SLC9A9: variants seen among roughly 807,000 people sequenced by gnomAD.
SLC9A9 encodes solute carrier family 9 member A9.
In SLC9A9, 62 loss-of-function variants were observed where a neutral mutation model predicts 77.8. The ratio of observed to expected loss-of-function variants is 0.80; its 90% CI spans 0.65 to 0.98. The LOEUF is 0.98. Ranked by LOEUF, SLC9A9 falls within the 50% of genes least tolerant of loss-of-function variation. SLC9A9 has a pLI of 0.00. For synonymous variants in SLC9A9, 320 were observed against 283.5 expected (o/e 1.13, Z -1.29); for missense variants, 775 against 774.9 (o/e 1.00, Z 0.00).
chr3:143,572,296 G>GGTGT (rs71629562), intron 8 of SLC9A9, among the ~76,000 whole-genome samples: 2,320 of 148,764 alleles, frequency 0.016, 46 homozygotes, highest in African/African-American at 0.049. Context: ...CTTAGGCAAT[G>GGTGT]GTGTGTGTGT....
At chr3:143,713,388 C>G (rs886309630) in intron 4 of SLC9A9, among the ~76,000 whole-genome samples, 2 of 152,160 alleles carry the variant, frequency 1.3e-5, no homozygotes, top group Non-Finnish European at 2.9e-5. Flanking sequence ...GCTGTGTTTG[C>G]TGGCTGGGAG....
intron 14 of SLC9A9, among the ~76,000 whole-genome samples, chr3:143,317,351 A>G (rs2031250447): frequency 6.6e-6 from 1 of 152,112 alleles, no homozygotes; most frequent in African/African-American, 2.4e-5. Flanking sequence ...CAACAGGGCA[A>G]CAGCCCTCCC....
intron 12 of SLC9A9, among the ~76,000 whole-genome samples, chr3:143,439,641 C>T (rs927007012): frequency 1.2e-4 from 18 of 152,194 alleles, no homozygotes; most frequent in Admixed American, 9.8e-4. Flanking sequence ...TATGACTTAT[C>T]CCTTTAGTTA....
At chr3:143,323,207 C>A (rs1170221156) in intron 14 of SLC9A9, among the ~76,000 whole-genome samples, 2 of 152,182 alleles carry the variant, frequency 1.3e-5, no homozygotes, top group Non-Finnish European at 2.9e-5. Flanking sequence ...ACCATTGGAT[C>A]CAGCAATCCC....
chr3:143,494,386 G>A (rs1383341208), intron 10 of SLC9A9, among the ~76,000 whole-genome samples: 5 of 152,258 alleles, frequency 3.3e-5, no homozygotes, highest in African/African-American at 7.2e-5. Flanking sequence ...CTCCTTCCCC[G>A]ATGGGCTATT....
intron 5 of SLC9A9, among the ~76,000 whole-genome samples, chr3:143,668,712 T>C (rs2039111940): frequency 6.6e-6 from 1 of 152,188 alleles, no homozygotes; most frequent in Admixed American, 6.5e-5. Flanking sequence ...AGTGAATGAA[T>C]CTCTGAAGGT....
At chr3:143,497,005 A>C (rs556055529) in intron 9 of SLC9A9, among the ~76,000 whole-genome samples, 1 of 152,260 alleles carries the variant, frequency 6.6e-6, no homozygotes, top group South Asian at 2.1e-4. Flanking sequence ...GTTTCTTCTT[A>C]TAAGGGCACT....
intron 4 of SLC9A9, among the ~76,000 whole-genome samples, chr3:143,724,005 A>G (rs1358333961): frequency 2.6e-5 from 4 of 152,212 alleles, no homozygotes; most frequent in African/African-American, 4.8e-5. Context: ...TAATAGCTCC[A>G]TTATTTAGTT....
intron 6 of SLC9A9, among the ~76,000 whole-genome samples, chr3:143,594,014 A>G (rs2037708071): frequency 6.6e-6 from 1 of 152,166 alleles, no homozygotes; most frequent in Non-Finnish European, 1.5e-5. Context: ...GTTGGTGGCA[A>G]TGGAGGGGAA....
chr3:143,343,544 G>A (rs1016579682), intron 14 of SLC9A9: 1 of 152,170 alleles, frequency 6.6e-6, no homozygotes, highest in Non-Finnish European at 1.5e-5. Context: ...AGAGAAAACT[G>A]CAGGAGTCCC....
intron 5 of SLC9A9, among the ~76,000 whole-genome samples, chr3:143,669,854 G>A (rs887663608): frequency 2.6e-5 from 4 of 152,084 alleles, no homozygotes; most frequent in Non-Finnish European, 5.9e-5. Flanking sequence ...TAATTAATTG[G>A]AGTTATTTAT....
At chr3:143,703,122 C>G (rs553604426) in intron 4 of SLC9A9, among the ~76,000 whole-genome samples, 1 of 152,094 alleles carries the variant, frequency 6.6e-6, no homozygotes, top group African/African-American at 2.4e-5. Flanking sequence ...ACAATAATAG[C>G]TGGAGACTTC....
At chr3:143,306,926 C>T (rs538511613) in intron 14 of SLC9A9, among the ~76,000 whole-genome samples, 1 of 152,298 alleles carries the variant, frequency 6.6e-6, no homozygotes, top group East Asian at 1.9e-4. Flanking sequence ...TGTACACATG[C>T]TATTTCCTTA....
At chr3:143,742,119 C>T (rs922413510) in intron 4 of SLC9A9, among the ~76,000 whole-genome samples, 3 of 152,072 alleles carry the variant, frequency 2.0e-5, no homozygotes, top group Admixed American at 6.6e-5. Flanking sequence ...AGACCCTGCA[C>T]TTGATGGATC....
chr3:143,645,375 T>G (rs2038687839), intron 6 of SLC9A9, among the ~76,000 whole-genome samples: 1 of 152,234 alleles, frequency 6.6e-6, no homozygotes, highest in Admixed American at 6.5e-5. Flanking sequence ...AGGGTGAGGT[T>G]TTGTTACGCA....
At chr3:143,582,086 T>C (rs1209808339) in intron 6 of SLC9A9, among the ~76,000 whole-genome samples, 1 of 152,318 alleles carries the variant, frequency 6.6e-6, no homozygotes, top group East Asian at 1.9e-4. Flanking sequence ...TCGTTATCTC[T>C]TGAAGCAAAT....
Position 143,592,069 on chromosome 3 carries a change from T to C in SLC9A9, c.756-13346A>G, listed in dbSNP as rs559283957. Among the ~76,000 whole-genome samples the C allele has an allele frequency of 2.0e-5, 3 of 152,356 alleles. No individual in the cohort carries two copies. The South Asian group carries it at 6.2e-4, about 32-fold the overall frequency. ...CTTAAAACTTTCATCACCTTCTCTATGTGGTCCATGACCCCCCAAAAGGTT... is the reference window on the plus strand; with the variant it reads ...CTTAAAACTTTCATCACCTTCTCTACGTGGTCCATGACCCCCCAAAAGGTT... On this transcript the variant is annotated intron_variant, in intron 6 of 15. Coordinates refer to ENST00000316549, the MANE Select transcript of SLC9A9 (RefSeq NM_173653.4).
intron 6 of SLC9A9, among the ~76,000 whole-genome samples, chr3:143,628,806 A>G (rs952240829): frequency 1.3e-5 from 2 of 152,196 alleles, no homozygotes; most frequent in African/African-American, 4.8e-5. Context: ...CATTTTATAG[A>G]TGCTGTGAAT....
At chr3:143,584,152 T>C (rs1159621148) in intron 6 of SLC9A9, among the ~76,000 whole-genome samples, 1 of 151,828 alleles carries the variant, frequency 6.6e-6, no homozygotes, top group African/African-American at 2.4e-5. Flanking sequence ...ACTGTGGCCT[T>C]ACGGAGTCAT....
Sources: gnomAD v4.1 joint callset for allele counts (sites outside exome capture counted in the v4.1 genomes callset) on GRCh38, gnomAD v4.1.1 for gene constraint, MANE v1.5 for transcripts, NCBI Gene and HGNC (gene_info 2026-07-23, HGNC 2026-07-21) for gene names.